The following PKLR variants were observed in gnomAD, a reference collection of about 807,000 sequenced individuals.
The protein encoded by PKLR is pyruvate kinase PKLR.
In PKLR, 38 loss-of-function variants were observed where a neutral mutation model predicts 53.6. The observed-to-expected ratio is 0.71, with a 90% CI of 0.55 to 0.93. The LOEUF (loss-of-function observed/expected upper bound fraction) is 0.93, where lower values mean the gene tolerates loss of function less well. Among genes scored for constraint, PKLR ranks in the 40% least tolerant of loss-of-function variants. The probability of loss-of-function intolerance (pLI) is 0.00; values close to 1 mark genes in which losing one functional copy is unlikely to be tolerated. For synonymous variants in PKLR, 328 were observed against 316.2 expected (o/e 1.04, Z -0.39); for missense variants, 702 against 787.3 (o/e 0.89, Z 1.30).
At position 155,301,354 on chromosome 1, in the gene PKLR, T is replaced by A. The variant is rs1377478544; in HGVS notation, c.42A>T (p.Ser14=). ...QENISSLQLR[S]WVSKSQRDLA... Reference sequence around the variant, plus strand: ...AGTCTCTTTGGGACTTAGAGACCCATGACCGAAGCTGCAGGGATGATATGT... The same window carrying A: ...AGTCTCTTTGGGACTTAGAGACCCAAGACCGAAGCTGCAGGGATGATATGT... Residue 14 remains serine (S), a synonymous_variant, in exon 1 of 11, where the codon TCA becomes TCT. Transcript: ENST00000342741. 5.6e-6 allele frequency: 9 copies of A among 1,614,004 alleles called. No homozygotes were observed. The highest frequency in any genetic ancestry group is 7.6e-6 in the Non-Finnish European group (9 of 1,179,912).
chr1:155,293,079 C>T lies in PKLR; in HGVS notation c.1436+98G>A, dbSNP rs1229179430. On this transcript the variant is annotated intron_variant, in intron 9 of 10. Coordinates refer to ENST00000342741, the MANE Select transcript of PKLR (RefSeq NM_000298.6). The surrounding 1 kb of genome is among the most constrained non-coding windows in gnomAD (Gnocchi z 4.2). ...TCTCCTCTTGTCTCAGGTGGACACT[C>T]TTCACCCCTGGTGACCAGACTAAAC... 3.2e-6 allele frequency: 4 copies of T among 1,265,318 alleles called. No homozygotes were observed. The African/African-American group carries it at 5.9e-5, about 19-fold the overall frequency. The allele number at this position is 1,265,318 out of a possible 1,614,324, so 78.4% of individuals were successfully genotyped here.
chr1:155,304,743 A>C (rs886118345), upstream of PKLR, among the ~76,000 whole-genome samples: 2 of 152,228 alleles, frequency 1.3e-5, no homozygotes, highest in Admixed American at 6.5e-5. Flanking sequence ...CTGTTTTGAC[A>C]GGCTAAATTT....
At position 155,296,823 on chromosome 1, in the gene PKLR, C is replaced by A. The variant is rs8177965; in HGVS notation, c.284-1067G>T. On this transcript the variant is annotated intron_variant, in intron 2 of 10. Coordinates refer to ENST00000342741, the MANE Select transcript of PKLR (RefSeq NM_000298.6). ...TACTTGCTACCTCTAGTTCCCCTCC[C>A]CCATTCTCCCTTGAACCCACCCCAC... Among the ~76,000 whole-genome samples, 238 of 152,270 alleles carry A rather than the reference C, an allele frequency of 1.6e-3. 2 individuals are homozygous for A. Among genetic ancestry groups the A allele is most frequent in the African/African-American group, 5.6e-3 (232 of 41,534 alleles).
chr1:155,294,093 A>T, intron 7 of PKLR, 142 bp downstream of exon 7: 1 of 939,812 alleles, frequency 1.1e-6, no homozygotes, highest in Middle Eastern at 2.9e-4. Context: ...AGATTGCGCC[A>T]CTGCACTCCA....
At chr1:155,306,968 C>T in the PKLR span, among the ~76,000 whole-genome samples, 2 of 152,112 alleles carry the variant, frequency 1.3e-5, no homozygotes, top group East Asian at 3.8e-4. The surrounding 1 kb of genome is among the most constrained non-coding windows in gnomAD (Gnocchi z 4.2). Flanking sequence ...TGTTTCATTC[C>T]TCCCGGAGCG....
In PKLR at chr1:155,295,937, A is replaced by G. The variant is rs1269413285; in HGVS notation, c.284-181T>C. On this transcript the variant is annotated intron_variant, in intron 2 of 10. Coordinates refer to ENST00000342741, the MANE Select transcript of PKLR (RefSeq NM_000298.6). The surrounding 1 kb of genome is among the most constrained non-coding windows in gnomAD (Gnocchi z 4.3). ...CCCCTTCCCTCTCAAGCCAACATCCATCCCCTTGGGGAGGCAGCAGTGTGG... is the reference window on the plus strand; with the variant it reads ...CCCCTTCCCTCTCAAGCCAACATCCGTCCCCTTGGGGAGGCAGCAGTGTGG... Among the ~76,000 whole-genome samples the G allele has an allele frequency of 1.3e-5, 2 of 152,102 alleles. No individual in the cohort carries two copies. The highest frequency in any genetic ancestry group is 2.9e-5 in the Non-Finnish European group (2 of 68,008).
At chr1:155,301,812 T>C (rs888676618), upstream of PKLR, among the ~76,000 whole-genome samples, 1 of 152,042 alleles carries the variant, frequency 6.6e-6, no homozygotes, top group African/African-American at 2.4e-5. Context: ...CTGACCACTT[T>C]TTTTCTCTGT....
At chr1:155,306,220 A>G (rs1429985932), upstream of PKLR, among the ~76,000 whole-genome samples, 1 of 152,354 alleles carries the variant, frequency 6.6e-6, no homozygotes, top group East Asian at 1.9e-4. This position sits in a 1 kb window ranked among gnomAD's most constrained non-coding sequence, Gnocchi z 4.2. Context: ...ACAGAAGCCC[A>G]GCATCCAAAC....
the PKLR span, among the ~76,000 whole-genome samples, chr1:155,306,471 AAAGG>A: frequency 6.6e-6 from 1 of 152,174 alleles, no homozygotes; most frequent in South Asian, 2.1e-4. The surrounding 1 kb of genome is among the most constrained non-coding windows in gnomAD (Gnocchi z 4.2). Context: ...CAGGTTTAAT[AAAGG>A]AAGTCGGGGG....
chr1:155,295,093 C>T lies in PKLR; in HGVS notation c.694+23G>A. ...AATGTGCCCAGCGCACGGATGTGGT[C>T]AGGGCGGGAGGCGCGTCCGCACCGA... On this transcript the variant is annotated intron_variant, in intron 5 of 10. Transcript: ENST00000342741. This position sits in a 1 kb window ranked among gnomAD's most constrained non-coding sequence, Gnocchi z 4.3. 2 of 1,612,752 alleles carry T rather than the reference C, an allele frequency of 1.2e-6. No homozygotes were observed.
upstream of PKLR, among the ~76,000 whole-genome samples, chr1:155,304,269 C>T (rs1648170952): frequency 6.6e-6 from 1 of 151,858 alleles, no homozygotes; most frequent in Non-Finnish European, 1.5e-5. Context: ...CTCGTCTCTA[C>T]TAAAAACACA....
intron 5 of PKLR, 89 bp from the exon 6 acceptor site, chr1:155,294,841 A>G: frequency 6.7e-7 from 1 of 1,502,740 alleles, no homozygotes; most frequent in Non-Finnish European, 9.2e-7. Context: ...GACCCGCAAG[A>G]GGTCAGGAAC....
rs777793556 is a variant in PKLR at position 155,295,069 on chromosome 1, ATG to A, written c.694+45_694+46del. ...TGATGGGGGAGCCAAGGAGAAGGGAATGTGCCCAGCGCACGGATGTGGTCAGG... is the reference window on the plus strand; with the variant it reads ...TGATGGGGGAGCCAAGGAGAAGGGAATGCCCAGCGCACGGATGTGGTCAGG... On this transcript the variant is annotated intron_variant, in intron 5 of 10. Transcript: ENST00000342741. The surrounding 1 kb of genome is among the most constrained non-coding windows in gnomAD (Gnocchi z 4.3). The A allele has an allele frequency of 6.3e-7, 1 of 1,593,054 alleles. No homozygotes were observed. Among genetic ancestry groups the A allele is most frequent in the Non-Finnish European group, 8.6e-7 (1 of 1,163,550 alleles).
Position 155,294,267 on chromosome 1 carries a change from A to G in PKLR, c.1084T>C (p.Leu362=). 2 of 1,614,204 alleles carry G rather than the reference A, an allele frequency of 1.2e-6. No homozygotes were observed. Among genetic ancestry groups the G allele is most frequent in the Non-Finnish European group, 1.7e-6 (2 of 1,180,040 alleles). Residue 362 remains leucine (L), a synonymous_variant, in exon 7 of 11, where the codon TTG becomes CTG. Transcript: ENST00000342741. ...GCACAGACAACAGGCTTGCCCGCCAAGTTGCAGCGCCCAATCATCATCTTC... is the reference window on the plus strand; with the variant it reads ...GCACAGACAACAGGCTTGCCCGCCAGGTTGCAGCGCCCAATCATCATCTTC... ...AQKMMIGRCN[L]AGKPVVCATQ...
At chr1:155,306,772 C>T in the PKLR span, among the ~76,000 whole-genome samples, 26 of 152,162 alleles carry the variant, frequency 1.7e-4, no homozygotes, top group Non-Finnish European at 3.5e-4. The surrounding 1 kb of genome is among the most constrained non-coding windows in gnomAD (Gnocchi z 4.2). Flanking sequence ...CGCGGACCCT[C>T]GCAGTGAGTG....
chr1:155,296,552 C>G (rs1432166750), intron 2 of PKLR, among the ~76,000 whole-genome samples: 1 of 152,000 alleles, frequency 6.6e-6, no homozygotes, highest in Admixed American at 6.5e-5. Flanking sequence ...ACCATGCTGG[C>G]CAGGTTGGTC....
In PKLR at chr1:155,293,255, T is replaced by G. The variant is rs769123407; in HGVS notation, c.1358A>C (p.Glu453Ala). 2.5e-6 allele frequency: 4 copies of G among 1,613,984 alleles called. No homozygotes were observed. The African/African-American group carries it at 5.3e-5, about 22-fold the overall frequency. ...RAAPLSRDPT[E>A]VTAIGAVEAA... ...CTCCACAGCACCAATGGCGGTGACC[T>G]CAGTGGGATCACGGCTTAGTGGCGC... The change falls in exon 9 of 11, where the codon GAG becomes GCG. Residue 453 changes from glutamate to alanine, a missense_variant. By Grantham distance (107) the Glu-to-Ala change is moderately radical. Around this residue, in one of 2 missense-constraint regions of PKLR, gnomAD observed 183 missense variants for 250.2 expected, o/e 0.73. Coordinates refer to ENST00000342741, the MANE Select transcript of PKLR (RefSeq NM_000298.6). The surrounding 1 kb of genome is among the most constrained non-coding windows in gnomAD (Gnocchi z 4.2).
intron 5 of PKLR, 122 bp downstream of exon 5, chr1:155,294,994 C>G: frequency 8.4e-7 from 1 of 1,188,022 alleles, no homozygotes; most frequent in South Asian, 1.3e-5. Flanking sequence ...ACTCCTGGGA[C>G]GGGCTGGCAA....
rs1322578751 is a variant in PKLR, at chr1:155,295,985, G to A, written c.284-229C>T. On this transcript the variant is annotated intron_variant, in intron 2 of 10. Coordinates refer to ENST00000342741, the MANE Select transcript of PKLR (RefSeq NM_000298.6). This position sits in a 1 kb window ranked among gnomAD's most constrained non-coding sequence, Gnocchi z 4.3. ...TGGAAATCGGAGGGGAGTGCCCTCC[G>A]CCAGGCCTGAGGTCACTGTATGGGC... is the stretch of plus-strand genomic sequence containing the variant. Among the ~76,000 whole-genome samples, 2 of 152,048 alleles carry A rather than the reference G, an allele frequency of 1.3e-5. No homozygotes were observed. Among genetic ancestry groups the A allele is most frequent in the African/African-American group, 2.4e-5 (1 of 41,394 alleles).
Sources: gnomAD v4.1 joint callset for allele counts (sites outside exome capture counted in the v4.1 genomes callset) on GRCh38, gnomAD v4.1.1 for gene constraint, gnomAD v4.1.1 regional missense constraint, Gnocchi (gnomAD v3.1) non-coding constraint, MANE v1.5 for transcripts, NCBI Gene and HGNC (gene_info 2026-07-23, HGNC 2026-07-21) for gene names.